Variants in TGFBR2 observed in about 807,000 individuals in gnomAD.
TGFBR2 encodes TGF-beta receptor type-2.
Under a neutral mutation model 49.0 loss-of-function variants are expected in TGFBR2, and 18 were observed. The ratio of observed to expected loss-of-function variants is 0.37; its 90% CI spans 0.25 to 0.54. TGFBR2 has a LOEUF of 0.54. Among genes scored for constraint, TGFBR2 ranks in the 20% least tolerant of loss-of-function variants. The pLI is 0.85. For missense variants in TGFBR2, 525 were observed against 722.6 expected, an observed-to-expected ratio of 0.73 and a Z score of 3.13; for synonymous variants, 282 against 275.9, an observed-to-expected ratio of 1.02 and a Z score of -0.22.
rs142251545 is a variant in TGFBR2 at position 30,688,724 on chromosome 3, A to G, written c.1524+213A>G. On this transcript the variant is annotated intron_variant, in intron 6 of 6. Coordinates refer to ENST00000295754, the MANE Select transcript of TGFBR2 (RefSeq NM_003242.6). ...CTGATATGTACTCTGAGAGTTCACA[A>G]ATAGCCATTCGGAGGACATTTGCCA... 4.1e-3 allele frequency among the ~76,000 whole-genome samples: 618 copies of G among 152,368 alleles called. 3 individuals are homozygous for G. Among genetic ancestry groups the G allele is most frequent in the Middle Eastern group, 0.014 (4 of 294 alleles).
At chr3:30,607,838 A>G (rs1313456333) in intron 1 of TGFBR2, among the ~76,000 whole-genome samples, 1 of 124,362 alleles carries the variant, frequency 8.0e-6, no homozygotes, top group Non-Finnish European at 1.5e-5. Context: ...TATATATATA[A>G]TTATATATAT....
At chr3:30,642,846 CAG>C (rs1341244335) in intron 1 of TGFBR2, among the ~76,000 whole-genome samples, 2 of 152,108 alleles carry the variant, frequency 1.3e-5, no homozygotes, top group African/African-American at 4.8e-5. Context: ...TCACACAGTT[CAG>C]AGAGTATTTC....
At chr3:30,625,941 A>G (rs1184191517) in intron 1 of TGFBR2, among the ~76,000 whole-genome samples, 1 of 152,192 alleles carries the variant, frequency 6.6e-6, no homozygotes, top group Non-Finnish European at 1.5e-5. Context: ...CATGTAGCAT[A>G]AGTCCCTTCC....
In TGFBR2 at chr3:30,669,121, C is replaced by CAAAAAAAAAAAAA. The variant is rs56069409; in HGVS notation, c.455-2498_455-2486dup. Among the ~76,000 whole-genome samples, 25 of 83,464 alleles carry CAAAAAAAAAAAAA rather than the reference C, an allele frequency of 3.0e-4. 3 individuals are homozygous for CAAAAAAAAAAAAA. Among genetic ancestry groups the CAAAAAAAAAAAAA allele is most frequent in the African/African-American group, 1.1e-3 (20 of 18,308 alleles). 54.8% of individuals were successfully genotyped at this position (83,464 alleles called of 152,430 possible). ...TGAAACCCCGTCTCCACTAAAAATACAAAAAAAAAAAAAAAAAAAAAAAAA... is the reference window on the plus strand; with the variant it reads ...TGAAACCCCGTCTCCACTAAAAATACAAAAAAAAAAAAAAAAAAAAAAAAAAAAAAAAAAAAAA... On this transcript the variant is annotated intron_variant, in intron 3 of 6. Transcript: ENST00000295754.
chr3:30,608,363 A>G (rs1266593356), intron 1 of TGFBR2, among the ~76,000 whole-genome samples: 1 of 152,204 alleles, frequency 6.6e-6, no homozygotes, highest in Admixed American at 6.5e-5. Flanking sequence ...TAAAATGGCC[A>G]GCTTGAATCT....
chr3:30,671,862 A>G lies in TGFBR2; in HGVS notation c.679A>G (p.Ile227Val), dbSNP rs202056618. ...CATCCTGGAAGATGACCGCTCTGAC[A>G]TCAGCTCCACGTGTGCCAACAACAT... ...AIILEDDRSD[I>V]SSTCANNINH... is the part of the protein sequence containing the mutation. Residue 227 changes from isoleucine to valine, a missense_variant, in exon 4 of 7, where the codon ATC becomes GTC. Physicochemically the swap from Ile to Val is conservative, Grantham distance 29 (BLOSUM62 3). This residue lies in a region of TGFBR2 where 376 missense variants were observed against 478.2 expected (regional missense o/e 0.79). Coordinates refer to ENST00000295754, the MANE Select transcript of TGFBR2 (RefSeq NM_003242.6). 2.5e-6 allele frequency: 4 copies of G among 1,614,254 alleles called. No homozygotes were observed. Among genetic ancestry groups the G allele is most frequent in the East Asian group, 2.2e-5 (1 of 44,882 alleles).
At position 30,692,122 on chromosome 3, in the gene TGFBR2, A is replaced by G. The variant is rs2125456495; in HGVS notation, c.*523A>G. On this transcript the variant is annotated 3_prime_UTR_variant, in exon 7 of 7. Coordinates refer to ENST00000295754, the MANE Select transcript of TGFBR2 (RefSeq NM_003242.6). ...CTGACTGTAAAACAGTGAACTTTGC[A>G]TGAGGAAAGAGGCTCCATGTCTCAC... 1 of 224,590 alleles carries G rather than the reference A, an allele frequency of 4.5e-6. No homozygotes were observed. Among genetic ancestry groups the G allele is most frequent in the South Asian group, 1.8e-4 (1 of 5,438 alleles). 13.9% of individuals were successfully genotyped at this position (224,590 alleles called of 1,614,324 possible). A position where few individuals can be genotyped will look rare whatever the true frequency, so the allele number is the denominator to read the frequency against.
At chr3:30,613,502 CTG>C (rs145632978) in intron 1 of TGFBR2, among the ~76,000 whole-genome samples, 56 of 149,294 alleles carry the variant, frequency 3.8e-4, no homozygotes, top group African/African-American at 1.3e-3. Context: ...AGGGATAGCT[CTG>C]TGTGTGTGTG....
At chr3:30,686,130 C>T (rs1032381640) in intron 5 of TGFBR2, among the ~76,000 whole-genome samples, 2 of 152,178 alleles carry the variant, frequency 1.3e-5, no homozygotes, top group African/African-American at 4.8e-5. Context: ...ATCTGATTCT[C>T]AGTTTTCTCT....
At chr3:30,669,389 TGGAG>T (rs1411740071) in intron 3 of TGFBR2, among the ~76,000 whole-genome samples, 1 of 150,346 alleles carries the variant, frequency 6.7e-6, no homozygotes, top group Non-Finnish European at 1.5e-5. Context: ...AGTTTAGGAG[TGGAG>T]GTTTAATAGG....
chr3:30,654,576 G>A (rs1036321804), intron 3 of TGFBR2, among the ~76,000 whole-genome samples: 1 of 152,168 alleles, frequency 6.6e-6, no homozygotes, highest in African/African-American at 2.4e-5. Flanking sequence ...AGAATTCTAA[G>A]GAAATCAGAG....
intron 1 of TGFBR2, among the ~76,000 whole-genome samples, chr3:30,613,131 CTTTTTTTTTT>C (rs5847644): frequency 6.2e-5 from 8 of 129,322 alleles, no homozygotes; most frequent in African/African-American, 2.3e-4. Context: ...ACATGCAGCT[CTTTTTTTTTT>C]TTTTTTTTCT....
rs1459768701 is a variant in TGFBR2, at chr3:30,693,515, G to A, written c.*1916G>A. On this transcript the variant is annotated 3_prime_UTR_variant, in exon 7 of 7. Coordinates refer to ENST00000295754, the MANE Select transcript of TGFBR2 (RefSeq NM_003242.6). Reference sequence around the variant, plus strand: ...TGAGAATATCAGCTCTGTTTGGATGGTGGAAGGTCTCATTTTATTGAGATT... The same window carrying A: ...TGAGAATATCAGCTCTGTTTGGATGATGGAAGGTCTCATTTTATTGAGATT... 4.3e-6 allele frequency: 1 copy of A among 233,424 alleles called. No homozygotes were observed. The highest frequency in any genetic ancestry group is 8.5e-6 in the Non-Finnish European group (1 of 117,896). The allele number at this position is 233,424 out of a possible 1,614,324, so 14.5% of individuals were successfully genotyped here.
chr3:30,627,462 A>G (rs1698354401), intron 1 of TGFBR2, among the ~76,000 whole-genome samples: 1 of 152,028 alleles, frequency 6.6e-6, no homozygotes, highest in Admixed American at 6.5e-5. Context: ...ACATGTGTAA[A>G]CCACTACAAA....
chr3:30,665,190 G>A (rs919798685), intron 3 of TGFBR2, among the ~76,000 whole-genome samples: 1 of 152,214 alleles, frequency 6.6e-6, no homozygotes, highest in African/African-American at 2.4e-5. Context: ...TCCAAAGAAG[G>A]AAACTGTGCT....
At chr3:30,682,927 C>T in intron 5 of TGFBR2, among the ~76,000 whole-genome samples, 1 of 152,186 alleles carries the variant, frequency 6.6e-6, no homozygotes, top group East Asian at 1.9e-4. Context: ...ACTGCCCCAG[C>T]TGTACTTGCT....
At chr3:30,615,245 G>C (rs1249413859) in intron 1 of TGFBR2, among the ~76,000 whole-genome samples, 1 of 152,150 alleles carries the variant, frequency 6.6e-6, no homozygotes, top group East Asian at 1.9e-4. Context: ...ACTGTGAAGT[G>C]CTTGAACTTA....
chr3:30,664,714 T>G (rs1699214291), intron 3 of TGFBR2, among the ~76,000 whole-genome samples: 1 of 152,268 alleles, frequency 6.6e-6, no homozygotes, highest in Admixed American at 6.5e-5. Flanking sequence ...GCCTCTTTTA[T>G]GTCCTTTGTT....
intron 1 of TGFBR2, among the ~76,000 whole-genome samples, chr3:30,618,681 T>C (rs571247033): frequency 8.8e-4 from 134 of 152,322 alleles, no homozygotes; most frequent in Non-Finnish European, 5.4e-4. Flanking sequence ...GGTAGCACTC[T>C]GCTCTATACA....
Sources: gnomAD v4.1 joint callset for allele counts (sites outside exome capture counted in the v4.1 genomes callset) on GRCh38, gnomAD v4.1.1 for gene constraint, gnomAD v4.1.1 regional missense constraint, MANE v1.5 for transcripts, NCBI Gene and HGNC (gene_info 2026-07-23, HGNC 2026-07-21) for gene names.